Variants in PABPC4L observed in about 807,000 individuals in gnomAD.
PABPC4L encodes the protein poly(A) binding protein cytoplasmic 4 like.
For missense variants in PABPC4L, 452 were observed against 451.4 expected (o/e 1.00, Z -0.01); for synonymous variants, 169 against 164.1 (o/e 1.03, Z -0.23).
chr4:134,070,126 T>C, the PABPC4L span, among the ~76,000 whole-genome samples: 1 of 151,738 alleles, frequency 6.6e-6, no homozygotes, highest in Non-Finnish European at 1.5e-5. Flanking sequence ...ATGTGTGCTG[T>C]GTGGTTTCAT....
At chr4:134,136,534 T>C in the PABPC4L span, among the ~76,000 whole-genome samples, 2 of 152,084 alleles carry the variant, frequency 1.3e-5, no homozygotes, top group African/African-American at 4.8e-5. Flanking sequence ...TTTAACAATT[T>C]AACTTCCTTT....
the PABPC4L span, among the ~76,000 whole-genome samples, chr4:133,998,484 A>C: frequency 0.49 from 74,968 of 151,754 alleles, 20,634 homozygotes; most frequent in African/African-American, 0.71. Flanking sequence ...ATCTCTCACA[A>C]AATACACCTT....
the PABPC4L span, among the ~76,000 whole-genome samples, chr4:134,004,306 T>C: frequency 1.3e-5 from 2 of 151,686 alleles, no homozygotes; most frequent in Admixed American, 6.6e-5. Flanking sequence ...AAAAAATACG[T>C]AATCTCAGGA....
chr4:134,129,210 G>A, the PABPC4L span, among the ~76,000 whole-genome samples: 1 of 151,856 alleles, frequency 6.6e-6, no homozygotes, highest in South Asian at 2.1e-4. Flanking sequence ...GAGATAAACA[G>A]CAACATAATA....
the PABPC4L span, among the ~76,000 whole-genome samples, chr4:134,022,726 C>T: frequency 0.36 from 54,075 of 151,624 alleles, 11,838 homozygotes; most frequent in East Asian, 0.92. Flanking sequence ...CTTTAAGCTC[C>T]ACATCAGCTT....
the PABPC4L span, among the ~76,000 whole-genome samples, chr4:134,118,212 GT>G: frequency 6.6e-6 from 1 of 151,898 alleles, no homozygotes; most frequent in South Asian, 2.1e-4. Flanking sequence ...TCATAAGTAG[GT>G]TAAAATGCCA....
the PABPC4L span, among the ~76,000 whole-genome samples, chr4:133,983,484 G>A: frequency 3.3e-5 from 5 of 151,818 alleles, no homozygotes; most frequent in African/African-American, 7.2e-5. Flanking sequence ...CCCAGCGAAG[G>A]TTTGAAAAAA....
chr4:134,140,882 AATGTAG>A, the PABPC4L span, among the ~76,000 whole-genome samples: 2 of 151,698 alleles, frequency 1.3e-5, no homozygotes, highest in Admixed American at 1.3e-4. Flanking sequence ...AGGGAAAAAA[AATGTAG>A]ATTAAACTAG....
chr4:134,022,637 C>T, the PABPC4L span, among the ~76,000 whole-genome samples: 113 of 151,574 alleles, frequency 7.5e-4, 1 homozygote, highest in African/African-American at 2.6e-3. Context: ...TATAGTAACT[C>T]GACTATCACC....
At chr4:134,147,860 G>T in the PABPC4L span, among the ~76,000 whole-genome samples, 1 of 152,042 alleles carries the variant, frequency 6.6e-6, no homozygotes, top group South Asian at 2.1e-4. Context: ...GTGGAAAAAT[G>T]ATAGGGAAGA....
the PABPC4L span, among the ~76,000 whole-genome samples, chr4:134,058,557 C>T: frequency 6.6e-6 from 1 of 151,976 alleles, no homozygotes; most frequent in Non-Finnish European, 1.5e-5. Flanking sequence ...ATTTCTCAGT[C>T]TCATTCTATT....
the PABPC4L span, among the ~76,000 whole-genome samples, chr4:134,067,637 C>T: frequency 3.9e-5 from 6 of 151,978 alleles, no homozygotes; most frequent in African/African-American, 1.4e-4. Flanking sequence ...AATTTGAGGT[C>T]TTTCTGACTT....
chr4:134,071,504 TCTA>T, the PABPC4L span, among the ~76,000 whole-genome samples: 2 of 152,212 alleles, frequency 1.3e-5, no homozygotes, highest in Admixed American at 6.5e-5. Context: ...TTTTCATTCC[TCTA>T]CTAATAGATT....
At chr4:134,125,503 T>C in the PABPC4L span, among the ~76,000 whole-genome samples, 2 of 152,146 alleles carry the variant, frequency 1.3e-5, no homozygotes, top group African/African-American at 4.8e-5. Flanking sequence ...ATGTACATTT[T>C]GCTATAAACT....
At chr4:134,044,581 A>C in the PABPC4L span, among the ~76,000 whole-genome samples, 1 of 152,148 alleles carries the variant, frequency 6.6e-6, no homozygotes, top group Non-Finnish European at 1.5e-5. Flanking sequence ...TTATATTATA[A>C]TGAGCTTCAC....
chr4:134,160,618 T>C, the PABPC4L span, among the ~76,000 whole-genome samples: 1 of 152,278 alleles, frequency 6.6e-6, no homozygotes, highest in East Asian at 1.9e-4. Context: ...GGCTCCTGTC[T>C]ATAATCCCAG....
the PABPC4L span, among the ~76,000 whole-genome samples, chr4:134,057,147 G>A: frequency 6.6e-6 from 1 of 152,022 alleles, no homozygotes. Context: ...ATATGGCCAT[G>A]TGATTTCTCA....
the PABPC4L span, among the ~76,000 whole-genome samples, chr4:134,083,456 A>G: frequency 2.0e-5 from 3 of 152,244 alleles, no homozygotes; most frequent in South Asian, 2.1e-4. Flanking sequence ...TTCCTCTCAG[A>G]TACATTTTTA....
the PABPC4L span, among the ~76,000 whole-genome samples, chr4:134,119,702 GA>G: frequency 6.6e-6 from 1 of 151,510 alleles, no homozygotes; most frequent in African/African-American, 2.4e-5. Flanking sequence ...CAAGTACCCA[GA>G]AACAACCTAT....
Sources: allele counts gnomAD v4.1 joint callset (sites outside exome capture counted in the v4.1 genomes callset), GRCh38; gene constraint gnomAD v4.1.1; transcripts MANE v1.5; gene names NCBI Gene and HGNC (gene_info 2026-07-23, HGNC 2026-07-21).